Variants in EPHB1 observed in about 807,000 individuals in gnomAD.
EPHB1 encodes the protein EPH receptor B1, also known as ephrin type-B receptor 1.
In EPHB1, 30 loss-of-function variants were observed where a neutral mutation model predicts 94.4. That is an observed-to-expected ratio of 0.32 (90% confidence interval 0.24 to 0.43). The LOEUF (loss-of-function observed/expected upper bound fraction) is 0.43. Among genes scored for constraint, EPHB1 ranks in the 20% least tolerant of loss-of-function variants. The pLI is 1.00. For synonymous variants in EPHB1, 522 were observed against 489.1 expected (o/e 1.07, Z -0.89); for missense variants, 1,055 against 1,308.3 (o/e 0.81, Z 2.99).
At chr3:135,249,572 T>C in intron 15 of EPHB1, 81 bp downstream of exon 15, 1 of 1,494,390 alleles carries the variant, frequency 6.7e-7, no homozygotes, top group Non-Finnish European at 9.1e-7. Flanking sequence ...GTGTGAGTCC[T>C]ATTTCTGGCC....
intron 2 of EPHB1, among the ~76,000 whole-genome samples, chr3:134,944,573 G>A (rs981341961): frequency 2.4e-4 from 36 of 152,154 alleles, no homozygotes; most frequent in African/African-American, 8.7e-4. Flanking sequence ...TTGGTGAGAA[G>A]TTCAATCTCA....
chr3:135,126,473 T>C (rs1940212496), intron 4 of EPHB1, among the ~76,000 whole-genome samples: 1 of 152,200 alleles, frequency 6.6e-6, no homozygotes, highest in Non-Finnish European at 1.5e-5. Flanking sequence ...AAAGTCAGGC[T>C]ACCTCTAGGG....
chr3:135,059,488 G>GGA (rs755289431), intron 3 of EPHB1, among the ~76,000 whole-genome samples: 3 of 152,184 alleles, frequency 2.0e-5, no homozygotes, highest in Non-Finnish European at 1.5e-5. Context: ...AAGAGGGGAG[G>GGA]GAGAGGGGGA....
chr3:135,064,328 G>C (rs963112689), intron 3 of EPHB1, among the ~76,000 whole-genome samples: 11 of 151,928 alleles, frequency 7.2e-5, no homozygotes, highest in Non-Finnish European at 1.5e-4. Context: ...GTCTGGTCCT[G>C]GGCTTTTTTG....
chr3:135,102,843 G>A (rs955842237), intron 3 of EPHB1, among the ~76,000 whole-genome samples: 2 of 152,150 alleles, frequency 1.3e-5, no homozygotes, highest in African/African-American at 4.8e-5. Flanking sequence ...GGATGAAGCT[G>A]GAAACCATCA....
chr3:135,212,557 G>T (rs1268812556), intron 12 of EPHB1, among the ~76,000 whole-genome samples: 2 of 152,018 alleles, frequency 1.3e-5, no homozygotes, highest in Non-Finnish European at 2.9e-5. Context: ...GTGTTTCGGG[G>T]GTCAGCTAGA....
chr3:135,234,108 T>G (rs1406533566), intron 12 of EPHB1, among the ~76,000 whole-genome samples: 1 of 152,132 alleles, frequency 6.6e-6, no homozygotes, highest in Non-Finnish European at 1.5e-5. Flanking sequence ...AGAAGATGGG[T>G]TTTTCTTTCC....
intron 9 of EPHB1, among the ~76,000 whole-genome samples, chr3:135,170,024 C>T (rs912339205): frequency 2.6e-5 from 4 of 152,202 alleles, no homozygotes; most frequent in Non-Finnish European, 4.4e-5. Flanking sequence ...TCTGGACCAT[C>T]CACAGGCATG....
intron 5 of EPHB1, 133 bp downstream of exon 5, chr3:135,133,182 G>A (rs1316945174): frequency 2.3e-6 from 2 of 881,766 alleles, no homozygotes; most frequent in Admixed American, 6.0e-5. Flanking sequence ...AAGGTGTCAG[G>A]TGATGGGCAT....
At chr3:135,183,674 G>A (rs1942252152) in intron 10 of EPHB1, among the ~76,000 whole-genome samples, 1 of 152,174 alleles carries the variant, frequency 6.6e-6, no homozygotes, top group South Asian at 2.1e-4. Context: ...TGGCAGGAGA[G>A]GACTCAGGGA....
At chr3:134,850,120 C>T (rs1409684702) in intron 1 of EPHB1, among the ~76,000 whole-genome samples, 1 of 152,204 alleles carries the variant, frequency 6.6e-6, no homozygotes, top group Non-Finnish European at 1.5e-5. Context: ...AGAGCTGCCT[C>T]ATCTTTGGAG....
chr3:135,192,502 C>T, intron 10 of EPHB1, 74 bp from the exon 11 acceptor site: 1 of 1,549,882 alleles, frequency 6.5e-7, no homozygotes, highest in South Asian at 1.2e-5. Flanking sequence ...CCATTGTTCT[C>T]CATTAGATGA....
At chr3:134,801,462 C>T (rs969925326) in intron 1 of EPHB1, among the ~76,000 whole-genome samples, 9 of 152,176 alleles carry the variant, frequency 5.9e-5, no homozygotes, top group East Asian at 1.9e-4. Flanking sequence ...CATTGACTGT[C>T]GAGAGCGTGT....
intron 1 of EPHB1, among the ~76,000 whole-genome samples, chr3:134,876,947 T>C (rs1010482769): frequency 6.6e-6 from 1 of 152,192 alleles, no homozygotes; most frequent in African/African-American, 2.4e-5. Context: ...CCCAGTGGAA[T>C]GAATTTTTCC....
intron 2 of EPHB1, among the ~76,000 whole-genome samples, chr3:134,941,136 C>T (rs2039108342): frequency 6.6e-6 from 1 of 152,208 alleles, no homozygotes; most frequent in Admixed American, 6.5e-5. Flanking sequence ...AGGAGCGGGC[C>T]TGGTGTGGGG....
chr3:135,051,369 T>C (rs1312508139), intron 3 of EPHB1, among the ~76,000 whole-genome samples: 1 of 152,242 alleles, frequency 6.6e-6, no homozygotes, highest in African/African-American at 2.4e-5. Context: ...GTTTATTTTT[T>C]CTTTGAAAAC....
intron 1 of EPHB1, among the ~76,000 whole-genome samples, chr3:134,876,287 G>A (rs919578486): frequency 6.6e-6 from 1 of 152,178 alleles, no homozygotes; most frequent in Non-Finnish European, 1.5e-5. Context: ...TCTCCAAGAT[G>A]TCCTTTCTTC....
chr3:134,920,465 G>C (rs2038661714), intron 1 of EPHB1, among the ~76,000 whole-genome samples: 2 of 152,134 alleles, frequency 1.3e-5, no homozygotes, highest in Admixed American at 6.5e-5. Flanking sequence ...CGCTAGCCCT[G>C]TCCTGCTTGA....
intron 1 of EPHB1, among the ~76,000 whole-genome samples, chr3:134,858,183 CA>C (rs2037164896): frequency 6.6e-6 from 1 of 152,048 alleles, no homozygotes; most frequent in African/African-American, 2.4e-5. Flanking sequence ...TCATCATCAT[CA>C]TCATCATCAT....
Sources: allele counts gnomAD v4.1 joint callset (sites outside exome capture counted in the v4.1 genomes callset), GRCh38; gene constraint gnomAD v4.1.1; transcripts MANE v1.5; gene names NCBI Gene and HGNC (gene_info 2026-07-23, HGNC 2026-07-21).